CLDN11: variants seen among roughly 807,000 people sequenced by gnomAD.
The protein encoded by CLDN11 is claudin 11.
CLDN11 carries 1 observed loss-of-function variant against 18.0 expected under a neutral mutation model. The observed-to-expected ratio is 0.06, with a 90% CI of 0.02 to 0.26. The LOEUF (loss-of-function observed/expected upper bound fraction) is 0.26, where lower values mean the gene tolerates loss of function less well. CLDN11 is among the 10% of genes least tolerant of loss of function. The pLI, the probability that CLDN11 is intolerant of heterozygous loss-of-function variation, is 1.00. For synonymous variants in CLDN11, 116 were observed against 121.5 expected, an observed-to-expected ratio of 0.96 and a Z score of 0.30; for missense variants, 172 against 276.6, an observed-to-expected ratio of 0.62 and a Z score of 2.68.
At chr3:170,428,048 T>A (rs1255085101) in intron 2 of CLDN11, among the ~76,000 whole-genome samples, 1 of 150,126 alleles carries the variant, frequency 6.7e-6, no homozygotes, top group Admixed American at 6.7e-5. Flanking sequence ...TTCCAGCTAC[T>A]TGGGAGGCTG....
intron 2 of CLDN11, among the ~76,000 whole-genome samples, chr3:170,425,375 G>A (rs1296374168): frequency 6.6e-6 from 1 of 152,140 alleles, no homozygotes; most frequent in African/African-American, 2.4e-5. Context: ...CCACAAGTGA[G>A]AGAACACACT....
chr3:170,429,337 G>A (rs904180606), intron 2 of CLDN11, among the ~76,000 whole-genome samples: 1 of 152,130 alleles, frequency 6.6e-6, no homozygotes, highest in Non-Finnish European at 1.5e-5. Flanking sequence ...TAAAGAGCCT[G>A]CTGGCACTCA....
rs1482400829 is a variant in CLDN11, at chr3:170,434,045, G to C, written c.*1289G>C. 1.3e-5 allele frequency: 2 copies of C among 152,518 alleles called. No individual in the cohort carries two copies. Among genetic ancestry groups the C allele is most frequent in the Non-Finnish European group, 2.9e-5 (2 of 68,022 alleles). The allele number at this position is 152,518 out of a possible 1,614,324, so 9.4% of individuals were successfully genotyped here. The stretch of plus-strand genomic sequence containing the variant: ...CCCAAACTCTCCAAATACTGATGGT[G>C]CATTTTATTCTTGAAGTGAAATCTG... On this transcript the variant is annotated 3_prime_UTR_variant, in exon 3 of 3. Coordinates refer to ENST00000064724, the MANE Select transcript of CLDN11 (RefSeq NM_005602.6).
intron 2 of CLDN11, among the ~76,000 whole-genome samples, chr3:170,423,935 A>C (rs1299986478): frequency 6.6e-6 from 1 of 150,576 alleles, no homozygotes. Context: ...TTGCTAAGGC[A>C]GGAGAATGAT....
chr3:170,432,661 T>G lies in CLDN11; in HGVS notation c.529T>G (p.Cys177Gly), dbSNP rs1170342202. 1.2e-6 allele frequency: 2 copies of G among 1,614,210 alleles called. No homozygotes were observed. The change falls in exon 3 of 3, where the codon TGC (cysteine) becomes GGC (glycine). Residue 177 changes from cysteine to glycine, a missense_variant. Cys to Gly is a radical substitution (Grantham distance 159). Around this residue, in one of 3 missense-constraint regions of CLDN11, gnomAD observed 161 missense variants for 240.3 expected, o/e 0.67. Transcript: ENST00000064724. Reference protein sequence around the residue: ...LCLVGGCVILCCAGDAQAFGE... With the variant: ...LCLVGGCVILGCAGDAQAFGE... Reference sequence around the variant, plus strand: ...CCTCGTGGGTGGCTGTGTCATCCTCTGCTGCGCTGGAGATGCCCAGGCCTT... The same window carrying G: ...CCTCGTGGGTGGCTGTGTCATCCTCGGCTGCGCTGGAGATGCCCAGGCCTT...
Position 170,422,505 on chromosome 3 carries a change from T to C in CLDN11, c.227-658T>C, listed in dbSNP as rs182698136. The stretch of plus-strand genomic sequence containing the variant: ...GGCTCGATCTCAGCTCACTGCAACC[T>C]CCCCCTCTCAGGTTCAAGCGATTCT... On this transcript the variant is annotated intron_variant, in intron 1 of 2. Transcript: ENST00000064724. 3.7e-3 allele frequency among the ~76,000 whole-genome samples: 556 copies of C among 152,236 alleles called. 9 individuals carry two copies. The highest frequency in any genetic ancestry group is 1.8e-3 in the Non-Finnish European group (124 of 68,010).
intron 2 of CLDN11, among the ~76,000 whole-genome samples, chr3:170,424,779 C>A (rs933108410): frequency 2.0e-5 from 3 of 152,096 alleles, no homozygotes; most frequent in Non-Finnish European, 4.4e-5. Context: ...TGGGTTGATG[C>A]CACTTGGTGG....
At chr3:170,421,668 A>C (rs895804468) in intron 1 of CLDN11, among the ~76,000 whole-genome samples, 1 of 152,150 alleles carries the variant, frequency 6.6e-6, no homozygotes, top group Non-Finnish European at 1.5e-5. Context: ...CTTCTGAGCA[A>C]AAAAGGGAGG....
At chr3:170,421,342 G>A in intron 1 of CLDN11, 1 of 979,544 alleles carries the variant, frequency 1.0e-6, no homozygotes, top group Non-Finnish European at 1.2e-6. Context: ...CTTTGTGTGA[G>A]TACTGGCTCT....
chr3:170,429,536 G>A (rs562332642), intron 2 of CLDN11, among the ~76,000 whole-genome samples: 2 of 152,190 alleles, frequency 1.3e-5, no homozygotes, highest in Admixed American at 6.5e-5. Context: ...TCGTTCCCCC[G>A]TTCACTCATC....
At chr3:170,423,606 G>T in intron 2 of CLDN11, 1 of 405,958 alleles carries the variant, frequency 2.5e-6, no homozygotes, top group South Asian at 3.7e-5. Context: ...CCTGAAAGAT[G>T]GAAGCCTTCT....
At chr3:170,424,299 A>G (rs1009666713) in intron 2 of CLDN11, among the ~76,000 whole-genome samples, 4 of 152,228 alleles carry the variant, frequency 2.6e-5, no homozygotes, top group Non-Finnish European at 5.9e-5. Flanking sequence ...CTGTGCATAC[A>G]CATAGGAAGG....
At position 170,419,317 on chromosome 3, in the gene CLDN11, C is replaced by T. The variant is rs1738664412; in HGVS notation, c.226+25C>T. On this transcript the variant is annotated intron_variant, in intron 1 of 2. Transcript: ENST00000064724. This position sits in a 1 kb window ranked among gnomAD's most constrained non-coding sequence, Gnocchi z 8.6. ...GGTAAGGACCCGAGCTTGGCGGCGG[C>T]TCCCAAATCCTTATCCTCTGGGTAG... The T allele has an allele frequency of 1.3e-6, 2 of 1,501,320 alleles. No homozygotes were observed. Among genetic ancestry groups the T allele is most frequent in the African/African-American group, 1.4e-5 (1 of 72,070 alleles). The allele number at this position is 1,501,320 out of a possible 1,614,324, so 93.0% of individuals were successfully genotyped here. A position where few individuals can be genotyped will look rare whatever the true frequency, so the allele number is the denominator to read the frequency against.
chr3:170,423,570 A>T, intron 2 of CLDN11: 1 of 497,250 alleles, frequency 2.0e-6, no homozygotes, highest in Non-Finnish European at 3.6e-6. Flanking sequence ...GAGGATTTTG[A>T]AGGTAGGAAA....
chr3:170,420,098 G>C (rs1738688468), intron 1 of CLDN11, among the ~76,000 whole-genome samples: 1 of 152,222 alleles, frequency 6.6e-6, no homozygotes, highest in Non-Finnish European at 1.5e-5. Flanking sequence ...CCCCTCCAGC[G>C]TGTCTCAGAT....
chr3:170,429,565 T>C (rs1381723478), intron 2 of CLDN11, among the ~76,000 whole-genome samples: 2 of 152,226 alleles, frequency 1.3e-5, no homozygotes, highest in Admixed American at 6.5e-5. Flanking sequence ...TGGAGGTTCA[T>C]TGTATGAAAT....
rs1738652768 is a variant in CLDN11 at position 170,418,918 on chromosome 3, G to A, written c.-149G>A. The A allele has an allele frequency of 3.3e-6, 2 of 609,698 alleles. No individual in the cohort carries two copies. Among genetic ancestry groups the A allele is most frequent in the East Asian group, 2.9e-5 (1 of 34,056 alleles). The allele number at this position is 609,698 out of a possible 1,614,324, so 37.8% of individuals were successfully genotyped here. On this transcript the variant is annotated 5_prime_UTR_variant, in exon 1 of 3. Coordinates refer to ENST00000064724, the MANE Select transcript of CLDN11 (RefSeq NM_005602.6). This position sits in a 1 kb window ranked among gnomAD's most constrained non-coding sequence, Gnocchi z 4.3. Reference sequence around the variant, plus strand: ...CTTCGCCGCTGAGCTCGCAGCCTCCGGCGCCCACCTCCACCTCCAGTGTCC... The same window carrying A: ...CTTCGCCGCTGAGCTCGCAGCCTCCAGCGCCCACCTCCACCTCCAGTGTCC...
At position 170,419,044 on chromosome 3, in the gene CLDN11, AC is replaced by A; in HGVS notation, c.-22del. On this transcript the variant is annotated 5_prime_UTR_variant, in exon 1 of 3. Coordinates refer to ENST00000064724, the MANE Select transcript of CLDN11 (RefSeq NM_005602.6). The surrounding 1 kb of genome is among the most constrained non-coding windows in gnomAD (Gnocchi z 8.6). Reference sequence around the variant, plus strand: ...CAGGCACAGCCGTGAGGGGCGAGGCACGGGGACATCCTGGCGGCCACCATGG... The same window carrying A: ...CAGGCACAGCCGTGAGGGGCGAGGCAGGGGACATCCTGGCGGCCACCATGG... 6.6e-7 allele frequency: 1 copy of A among 1,526,178 alleles called. No homozygotes were observed. 94.5% of individuals were successfully genotyped at this position (1,526,178 alleles called of 1,614,324 possible). A position where few individuals can be genotyped will look rare whatever the true frequency, so the allele number is the denominator to read the frequency against.
At chr3:170,423,042 C>T in intron 1 of CLDN11, 121 bp from the exon 2 acceptor site, 2 of 1,063,982 alleles carry the variant, frequency 1.9e-6, no homozygotes, top group Non-Finnish European at 2.9e-6. Context: ...TTAGCACCTT[C>T]TAAGTCCTGG....
Sources: gnomAD v4.1 joint callset for allele counts (sites outside exome capture counted in the v4.1 genomes callset) on GRCh38, gnomAD v4.1.1 for gene constraint, gnomAD v4.1.1 regional missense constraint, Gnocchi (gnomAD v3.1) non-coding constraint, MANE v1.5 for transcripts, NCBI Gene and HGNC (gene_info 2026-07-23, HGNC 2026-07-21) for gene names.